KLF12: variants seen among roughly 807,000 people sequenced by gnomAD.
KLF12 encodes KLF transcription factor 12.
KLF12 carries 9 observed loss-of-function variants against 37.8 expected under a neutral mutation model. That is an observed-to-expected ratio of 0.24 (90% CI 0.14 to 0.42). The LOEUF (loss-of-function observed/expected upper bound fraction) is 0.42. KLF12 is among the 10% of genes least tolerant of loss of function. KLF12 has a pLI of 1.00. For missense variants in KLF12, 411 were observed against 516.0 expected (o/e 0.80, Z 1.97); for synonymous variants, 208 against 202.1 (o/e 1.03, Z -0.25).
the KLF12 span, among the ~76,000 whole-genome samples, chr13:74,189,049 T>G: frequency 1.3e-5 from 2 of 152,166 alleles, no homozygotes; most frequent in Admixed American, 1.3e-4. Flanking sequence ...ATTTTCCTGC[T>G]TAAATAAGTT....
At chr13:74,049,368 A>C (rs1224323679) in intron 1 of KLF12, among the ~76,000 whole-genome samples, 2 of 152,218 alleles carry the variant, frequency 1.3e-5, no homozygotes, top group Non-Finnish European at 2.9e-5. Context: ...ACTCAAGCCT[A>C]AAGACAGTTC....
At chr13:74,032,305 A>G (rs1274073571) in intron 1 of KLF12, among the ~76,000 whole-genome samples, 2 of 152,124 alleles carry the variant, frequency 1.3e-5, no homozygotes, top group Non-Finnish European at 2.9e-5. Context: ...AAGGCCTTCA[A>G]ATACTTTCTT....
chr13:73,770,497 TA>T (rs2138113672), intron 5 of KLF12, among the ~76,000 whole-genome samples: 1 of 152,040 alleles, frequency 6.6e-6, no homozygotes, highest in South Asian at 2.1e-4. Flanking sequence ...GGGCTGAACT[TA>T]AATATTATAT....
At chr13:73,810,982 C>CTTTATTTTTTTTTTTTTTTTTTT (rs1555308731) in intron 5 of KLF12, among the ~76,000 whole-genome samples, 1 of 44,808 alleles carries the variant, frequency 2.2e-5, no homozygotes, top group Non-Finnish European at 4.0e-5. Context: ...ATTTTTCTTT[C>CTTTATTTTTTTTTTTTTTTTTTT]TTTTTTTTTT....
intron 1 of KLF12, among the ~76,000 whole-genome samples, chr13:73,996,881 G>A (rs1321511280): frequency 6.6e-6 from 1 of 152,114 alleles, no homozygotes; most frequent in East Asian, 1.9e-4. Context: ...ATTCCCACTA[G>A]GAGAAGACAT....
intron 1 of KLF12, among the ~76,000 whole-genome samples, chr13:74,079,693 T>A (rs917691893): frequency 2.0e-5 from 3 of 152,144 alleles, no homozygotes; most frequent in Admixed American, 2.0e-4. Context: ...TCCAGACAAC[T>A]CACACCTATT....
At chr13:73,989,182 A>G (rs886431591) in intron 2 of KLF12, among the ~76,000 whole-genome samples, 5 of 152,084 alleles carry the variant, frequency 3.3e-5, no homozygotes, top group Non-Finnish European at 7.3e-5. Flanking sequence ...ATAAAAAAAT[A>G]AAAAATAAAC....
chr13:74,165,542 A>G, the KLF12 span, among the ~76,000 whole-genome samples: 3 of 151,128 alleles, frequency 2.0e-5, no homozygotes, highest in Non-Finnish European at 4.4e-5. Flanking sequence ...CAACTGATCT[A>G]CTCACCTCAG....
At chr13:74,275,829 T>TC in the KLF12 span, among the ~76,000 whole-genome samples, 802 of 115,654 alleles carry the variant, frequency 6.9e-3, 13 homozygotes, top group Middle Eastern at 0.022. Flanking sequence ...TTTCTTTCTT[T>TC]CTTTCTTTCT....
chr13:73,773,997 T>C (rs1488222480), intron 5 of KLF12, among the ~76,000 whole-genome samples: 2 of 152,160 alleles, frequency 1.3e-5, no homozygotes, highest in African/African-American at 4.8e-5. Context: ...ATTCCCTGCA[T>C]TGCCCTTCAT....
At chr13:74,128,680 C>G (rs567703607) in intron 1 of KLF12, among the ~76,000 whole-genome samples, 2 of 152,174 alleles carry the variant, frequency 1.3e-5, no homozygotes, top group African/African-American at 4.8e-5. Context: ...GTTTTCTTTA[C>G]ATTGTTTTCG....
At position 73,945,093 on chromosome 13, in the gene KLF12, G is replaced by A. The variant is rs1048976308; in HGVS notation, c.34-1023C>T. ...CAGTTTCTAAATATTTTGCCTACCTGGTGAAAAAGATAAGTATAATTTCTA... is the reference window on the plus strand; with the variant it reads ...CAGTTTCTAAATATTTTGCCTACCTAGTGAAAAAGATAAGTATAATTTCTA... On this transcript the variant is annotated intron_variant, in intron 2 of 7. Coordinates refer to ENST00000377669, the MANE Select transcript of KLF12 (RefSeq NM_007249.5). Among the ~76,000 whole-genome samples the A allele has an allele frequency of 2.6e-5, 4 of 152,230 alleles. No homozygotes were observed. In the East Asian group the frequency reaches 7.7e-4, roughly 29 times the overall value.
intron 1 of KLF12, among the ~76,000 whole-genome samples, chr13:74,090,790 G>T (rs897827719): frequency 6.6e-6 from 1 of 151,754 alleles, no homozygotes; most frequent in Non-Finnish European, 1.5e-5. Context: ...CATTCTGTAG[G>T]TTCTCCTTTA....
intron 1 of KLF12, among the ~76,000 whole-genome samples, chr13:74,119,185 T>C (rs565665543): frequency 6.6e-6 from 1 of 151,890 alleles, no homozygotes; most frequent in South Asian, 2.1e-4. Flanking sequence ...ATACAAAAAT[T>C]ATCCAGGTGT....
intron 2 of KLF12, among the ~76,000 whole-genome samples, chr13:73,949,379 C>T (rs1234573379): frequency 2.6e-5 from 4 of 152,152 alleles, no homozygotes; most frequent in Admixed American, 2.0e-4. Context: ...TGAGTAGCAA[C>T]GATTTGGAGA....
At chr13:73,873,147 A>G (rs1337132362) in intron 3 of KLF12, among the ~76,000 whole-genome samples, 1 of 152,090 alleles carries the variant, frequency 6.6e-6, no homozygotes, top group Non-Finnish European at 1.5e-5. Context: ...ATATATATAT[A>G]AACAACATAA....
the KLF12 span, among the ~76,000 whole-genome samples, chr13:74,204,559 T>C: frequency 6.6e-6 from 1 of 152,202 alleles, no homozygotes. Context: ...ATCTTTTCTA[T>C]GAAGATCATT....
intron 1 of KLF12, among the ~76,000 whole-genome samples, chr13:74,065,647 T>C (rs2034222500): frequency 6.6e-6 from 1 of 152,056 alleles, no homozygotes; most frequent in African/African-American, 2.4e-5. Flanking sequence ...CAGAGGATCA[T>C]ATTCTGTGTC....
rs189279161 is a variant in KLF12, at chr13:73,822,735, G to C, written c.671-9448C>G. On this transcript the variant is annotated intron_variant, in intron 4 of 7. Coordinates refer to ENST00000377669, the MANE Select transcript of KLF12 (RefSeq NM_007249.5). Reference sequence around the variant, plus strand: ...TCTTGTTTCCTGAAAGTACGTCTTAGAGCATAAAAGGCTTTTGTGATTTCT... The same window carrying C: ...TCTTGTTTCCTGAAAGTACGTCTTACAGCATAAAAGGCTTTTGTGATTTCT... Among the ~76,000 whole-genome samples the C allele has an allele frequency of 4.8e-3, 733 of 152,220 alleles. 3 individuals carry two copies. Among genetic ancestry groups the C allele is most frequent in the Non-Finnish European group, 8.4e-3 (573 of 68,016 alleles).
Sources: allele counts gnomAD v4.1 joint callset (sites outside exome capture counted in the v4.1 genomes callset), GRCh38; gene constraint gnomAD v4.1.1; transcripts MANE v1.5; gene names NCBI Gene and HGNC (gene_info 2026-07-23, HGNC 2026-07-21).